Variants in SLIT3 observed in about 807,000 individuals in gnomAD.
SLIT3 encodes slit guidance ligand 3.
Under a neutral mutation model 184.0 loss-of-function variants are expected in SLIT3, and 68 were observed. That is an observed-to-expected ratio of 0.37 (90% CI 0.30 to 0.45). The LOEUF is 0.45. Ranked by LOEUF, SLIT3 falls within the 20% of genes least tolerant of loss-of-function variation. The probability of loss-of-function intolerance (pLI) is 1.00; values close to 1 mark genes in which losing one functional copy is unlikely to be tolerated. For synonymous variants in SLIT3, 831 were observed against 828.6 expected (o/e 1.00, Z -0.05); for missense variants, 1,707 against 2,026.0 (o/e 0.84, Z 3.02).
chr5:168,834,526 T>C (rs1005329749), intron 6 of SLIT3, among the ~76,000 whole-genome samples: 1 of 151,230 alleles, frequency 6.6e-6, no homozygotes, highest in Admixed American at 6.6e-5. Context: ...ACCCCGTCTC[T>C]ACTAAAAATA....
chr5:168,700,751 G>T, intron 26 of SLIT3, 72 bp from the exon 27 acceptor site: 1 of 1,112,098 alleles, frequency 9.0e-7, no homozygotes, highest in East Asian at 2.4e-5. Flanking sequence ...GGGGACTCCA[G>T]GGGTTCCAGC....
At chr5:168,986,368 A>G (rs1045060974) in intron 4 of SLIT3, among the ~76,000 whole-genome samples, 1 of 150,918 alleles carries the variant, frequency 6.6e-6, no homozygotes, top group African/African-American at 2.4e-5. Context: ...AGGGAAAGGA[A>G]ATATTTGGAC....
chr5:168,834,972 A>G (rs10056431), intron 6 of SLIT3, among the ~76,000 whole-genome samples: 17,236 of 152,018 alleles, frequency 0.11, 2,680 homozygotes, highest in African/African-American at 0.35. Flanking sequence ...GGCAATTCAC[A>G]CTGGAATCAA....
At chr5:168,966,661 C>T (rs1406091748) in intron 4 of SLIT3, among the ~76,000 whole-genome samples, 1 of 152,158 alleles carries the variant, frequency 6.6e-6, no homozygotes, top group African/African-American at 2.4e-5. Flanking sequence ...TTCTGCAAAA[C>T]CTATTTCTGG....
At chr5:169,249,193 T>C (rs966882394) in intron 2 of SLIT3, among the ~76,000 whole-genome samples, 2 of 152,188 alleles carry the variant, frequency 1.3e-5, no homozygotes, top group African/African-American at 4.8e-5. Context: ...ATTTCAGCTA[T>C]TCCACCAGGC....
At chr5:169,218,735 C>A (rs1401458618) in intron 3 of SLIT3, among the ~76,000 whole-genome samples, 1 of 152,214 alleles carries the variant, frequency 6.6e-6, no homozygotes, top group African/African-American at 2.4e-5. Flanking sequence ...ATGTGGTTAA[C>A]ACAGAGCTTG....
At chr5:168,846,564 G>A (rs939879085) in intron 5 of SLIT3, among the ~76,000 whole-genome samples, 1 of 152,038 alleles carries the variant, frequency 6.6e-6, no homozygotes, top group Admixed American at 6.6e-5. Context: ...ACCTTACCAA[G>A]CAGAAATGCA....
At chr5:169,136,544 T>G (rs1305796134) in intron 4 of SLIT3, among the ~76,000 whole-genome samples, 1 of 152,128 alleles carries the variant, frequency 6.6e-6, no homozygotes, top group East Asian at 1.9e-4. Context: ...GAAACAATAG[T>G]CCCGTCGTGG....
intron 3 of SLIT3, among the ~76,000 whole-genome samples, chr5:169,213,122 T>C (rs1210173819): frequency 6.6e-6 from 1 of 152,094 alleles, no homozygotes; most frequent in Non-Finnish European, 1.5e-5. Context: ...AGTCTCAGGA[T>C]ACAAAATCAA....
At chr5:169,191,948 A>G (rs565445325) in intron 4 of SLIT3, among the ~76,000 whole-genome samples, 29 of 152,280 alleles carry the variant, frequency 1.9e-4, no homozygotes, top group Admixed American at 3.3e-4. Context: ...ATTGATGCTT[A>G]TGTCTCAGAT....
intron 4 of SLIT3, among the ~76,000 whole-genome samples, chr5:169,067,088 T>C (rs147440336): frequency 3.9e-4 from 60 of 152,340 alleles, no homozygotes; most frequent in Non-Finnish European, 7.6e-4. Context: ...TCTTTGTTTA[T>C]TCTTATATTC....
chr5:168,805,331 GGAGGAGGAA>G (rs984446528), intron 9 of SLIT3, among the ~76,000 whole-genome samples: 20 of 152,196 alleles, frequency 1.3e-4, no homozygotes, highest in African/African-American at 4.6e-4. Context: ...GGGAAGAGGA[GGAGGAGGAA>G]GAGGAGGAAA....
intron 1 of SLIT3, among the ~76,000 whole-genome samples, chr5:169,256,325 C>T (rs576277468): frequency 6.6e-6 from 1 of 152,160 alleles, no homozygotes; most frequent in African/African-American, 2.4e-5. Flanking sequence ...TCTAGATACA[C>T]AAATACTCAC....
chr5:168,759,307 A>G (rs1478213153), intron 16 of SLIT3, among the ~76,000 whole-genome samples: 1 of 152,224 alleles, frequency 6.6e-6, no homozygotes, highest in Non-Finnish European at 1.5e-5. Context: ...CTATCGACGT[A>G]TAACCTTGTT....
chr5:169,075,091 T>C (rs60077593), intron 4 of SLIT3, among the ~76,000 whole-genome samples: 7,182 of 152,178 alleles, frequency 0.047, 308 homozygotes, highest in East Asian at 0.2. Context: ...GATATAAACA[T>C]AATACATCAC....
intron 3 of SLIT3, among the ~76,000 whole-genome samples, chr5:169,224,797 A>G (rs1764745263): frequency 6.6e-6 from 1 of 152,020 alleles, no homozygotes; most frequent in African/African-American, 2.4e-5. Flanking sequence ...AGCTGTTCTC[A>G]TGCTTCATCC....
chr5:168,851,149 C>T (rs550715717), intron 5 of SLIT3, among the ~76,000 whole-genome samples: 4 of 152,050 alleles, frequency 2.6e-5, no homozygotes, highest in East Asian at 3.9e-4. Context: ...CGGTGAAACC[C>T]GATCTCTACT....
chr5:168,754,697 C>T (rs1028976184), intron 16 of SLIT3, among the ~76,000 whole-genome samples: 13 of 152,152 alleles, frequency 8.5e-5, no homozygotes, highest in Admixed American at 4.6e-4. Flanking sequence ...TGTTTGATCA[C>T]TGTACATTGC....
chr5:168,701,965 T>C (rs1378630774), intron 26 of SLIT3, among the ~76,000 whole-genome samples: 1 of 152,234 alleles, frequency 6.6e-6, no homozygotes, highest in Non-Finnish European at 1.5e-5. Context: ...CAGCCTCTGC[T>C]GTGGACCCTC....
Sources: allele counts gnomAD v4.1 joint callset (sites outside exome capture counted in the v4.1 genomes callset), GRCh38; gene constraint gnomAD v4.1.1; transcripts MANE v1.5; gene names NCBI Gene and HGNC (gene_info 2026-07-23, HGNC 2026-07-21).